Variants in CACNG5 observed in about 807,000 individuals in gnomAD.
CACNG5 encodes the protein calcium voltage-gated channel auxiliary subunit gamma 5.
In CACNG5, 18 loss-of-function variants were observed where a neutral mutation model predicts 24.8. The ratio of observed to expected loss-of-function variants is 0.73; its 90% CI spans 0.50 to 1.08. The LOEUF (loss-of-function observed/expected upper bound fraction) is 1.08. Among genes scored for constraint, CACNG5 ranks in the 50% least tolerant of loss-of-function variants. The pLI is 0.00. For synonymous variants in CACNG5, 157 were observed against 149.1 expected, an observed-to-expected ratio of 1.05 and a Z score of -0.39; for missense variants, 349 against 367.9, an observed-to-expected ratio of 0.95 and a Z score of 0.42.
chr17:66,857,375 G>A (rs914590210), intron 1 of CACNG5, among the ~76,000 whole-genome samples: 13 of 151,988 alleles, frequency 8.6e-5, no homozygotes, highest in East Asian at 1.9e-4. Flanking sequence ...TGGCTGGTCC[G>A]TACACCAGCA....
In CACNG5 at chr17:66,849,316, G is replaced by C. The variant is rs139431244; in HGVS notation, c.-104+14066G>C. ...GGCACCCGGGGTTGGGGGCAGGGGT[G>C]GGGGGAGCCGCACTGGGACGGGAGG... On this transcript the variant is annotated intron_variant, in intron 1 of 5. Coordinates refer to ENST00000533854, the MANE Select transcript of CACNG5 (RefSeq NM_145811.3). Among the ~76,000 whole-genome samples the C allele has an allele frequency of 8.6e-3, 1,301 of 152,102 alleles. 19 individuals are homozygous for C. The highest frequency in any genetic ancestry group is 0.029 in the African/African-American group (1,200 of 41,494).
intron 1 of CACNG5, among the ~76,000 whole-genome samples, chr17:66,843,083 T>C (rs1282896974): frequency 6.6e-6 from 1 of 152,238 alleles, no homozygotes; most frequent in Admixed American, 6.5e-5. Flanking sequence ...GTACTTGACA[T>C]GTATTGCACT....
rs925461577 is a variant in CACNG5 at position 66,891,727 on chromosome 17, A to G, written c.*6487A>G. 3.9e-5 allele frequency among the ~76,000 whole-genome samples: 6 copies of G among 152,180 alleles called. No individual in the cohort carries two copies. Among genetic ancestry groups the G allele is most frequent in the African/African-American group, 1.4e-4 (6 of 41,446 alleles). ...AGATCCCACCATCTCAGATGTGAGG[A>G]GTGTCAGAGTTCCATTGTGAGGAAC... On this transcript the variant is annotated 3_prime_UTR_variant, in exon 6 of 6. Coordinates refer to ENST00000533854, the MANE Select transcript of CACNG5 (RefSeq NM_145811.3).
At chr17:66,859,611 A>G (rs72843354) in intron 1 of CACNG5, among the ~76,000 whole-genome samples, 9 of 152,268 alleles carry the variant, frequency 5.9e-5, no homozygotes, top group Admixed American at 2.0e-4. Context: ...GGCTCCAAGT[A>G]CATCCTAGAG....
At chr17:66,876,223 T>C (rs1290613268) in intron 1 of CACNG5, among the ~76,000 whole-genome samples, 2 of 152,196 alleles carry the variant, frequency 1.3e-5, no homozygotes, top group African/African-American at 4.8e-5. Flanking sequence ...CCTGGCAGAA[T>C]TTAAAAAATA....
intron 1 of CACNG5, among the ~76,000 whole-genome samples, chr17:66,844,919 A>G (rs934394854): frequency 3.3e-5 from 5 of 152,206 alleles, no homozygotes; most frequent in Non-Finnish European, 7.3e-5. Context: ...AATGTCTAGC[A>G]TAGGGTCTGA....
At chr17:66,877,935 A>G (rs1214619057) in intron 2 of CACNG5, among the ~76,000 whole-genome samples, 1 of 152,248 alleles carries the variant, frequency 6.6e-6, no homozygotes, top group Non-Finnish European at 1.5e-5. Context: ...TTGCAAATGC[A>G]GAAATGAAGA....
chr17:66,841,678 C>T (rs1976570579), intron 1 of CACNG5, among the ~76,000 whole-genome samples: 3 of 152,150 alleles, frequency 2.0e-5, no homozygotes, highest in Admixed American at 6.5e-5. Context: ...AACAGGAGAC[C>T]GGGGTTTGAG....
In CACNG5 at chr17:66,885,478, C is replaced by A. The variant is rs374343715; in HGVS notation, c.*238C>A. 16 of 520,552 alleles carry A rather than the reference C, an allele frequency of 3.1e-5. No homozygotes were observed. Among genetic ancestry groups the A allele is most frequent in the Non-Finnish European group, 4.7e-5 (14 of 300,084 alleles). The allele number at this position is 520,552 out of a possible 1,614,324, so 32.2% of individuals were successfully genotyped here. On this transcript the variant is annotated 3_prime_UTR_variant, in exon 6 of 6. Transcript: ENST00000533854. ...TTGTCTGGGAACATGGGAGAAGCCC[C>A]GCCCATGTGAGTGCCAATCACAGCA...
At chr17:66,851,051 C>T (rs187404599) in intron 1 of CACNG5, among the ~76,000 whole-genome samples, 45 of 152,188 alleles carry the variant, frequency 3.0e-4, no homozygotes, top group Admixed American at 2.2e-3. Flanking sequence ...GAAGTTCGCA[C>T]TGAGACTCCC....
In CACNG5 at chr17:66,890,583, G is replaced by A. The variant is rs1977329085; in HGVS notation, c.*5343G>A. On this transcript the variant is annotated 3_prime_UTR_variant, in exon 6 of 6. Coordinates refer to ENST00000533854, the MANE Select transcript of CACNG5 (RefSeq NM_145811.3). ...TGTGTGAAGCCAGGACTCCCTGTGT[G>A]CTCACTGTGGGGCTAAGGTTTTCTG... Among the ~76,000 whole-genome samples the A allele has an allele frequency of 6.6e-6, 1 of 152,192 alleles. No homozygotes were observed. The highest frequency in any genetic ancestry group is 1.5e-5 in the Non-Finnish European group (1 of 68,028).
intron 3 of CACNG5, among the ~76,000 whole-genome samples, chr17:66,879,987 G>A (rs897688240): frequency 6.6e-6 from 1 of 152,118 alleles, no homozygotes; most frequent in Admixed American, 6.5e-5. Flanking sequence ...GTGTGGTTGA[G>A]AGACCCACCA....
At chr17:66,873,857 C>T (rs1977042450) in intron 1 of CACNG5, among the ~76,000 whole-genome samples, 1 of 151,164 alleles carries the variant, frequency 6.6e-6, no homozygotes, top group African/African-American at 2.4e-5. Context: ...ATAAGCAAAG[C>T]TAAGCAGGCT....
intron 1 of CACNG5, among the ~76,000 whole-genome samples, chr17:66,862,287 G>A (rs1394199433): frequency 9.9e-5 from 15 of 152,058 alleles, no homozygotes; most frequent in Non-Finnish European, 5.9e-5. Context: ...CTCTTCATAG[G>A]TACAGGTGTT....
intron 4 of CACNG5, 103 bp from the exon 5 acceptor site, chr17:66,884,413 G>A: frequency 1.6e-6 from 2 of 1,227,482 alleles, no homozygotes; most frequent in Non-Finnish European, 1.1e-6. Context: ...TTACCCCAAG[G>A]CTGGTGGCTT....
chr17:66,869,911 G>A (rs529921105), intron 1 of CACNG5, among the ~76,000 whole-genome samples: 21 of 152,024 alleles, frequency 1.4e-4, no homozygotes, highest in East Asian at 7.8e-4. Context: ...GTGAAACCCC[G>A]TCTCTACTAA....
intron 1 of CACNG5, among the ~76,000 whole-genome samples, chr17:66,852,826 T>C (rs867392404): frequency 6.6e-6 from 1 of 152,076 alleles, no homozygotes; most frequent in Non-Finnish European, 1.5e-5. Flanking sequence ...GCCTGCCTTC[T>C]TCCCTTCGCT....
rs1215632613 is a variant in CACNG5, at chr17:66,892,781, A to G, written c.*7541A>G. Among the ~76,000 whole-genome samples, 1 of 152,238 alleles carries G rather than the reference A, an allele frequency of 6.6e-6. No homozygotes were observed. The highest frequency in any genetic ancestry group is 1.5e-5 in the Non-Finnish European group (1 of 68,038). ...TGGTGAAGAGACTAAATTAAACCAC[A>G]TAAGGTGAGTAGCAGCTATTCAATC... On this transcript the variant is annotated 3_prime_UTR_variant, in exon 6 of 6. Coordinates refer to ENST00000533854, the MANE Select transcript of CACNG5 (RefSeq NM_145811.3).
intron 1 of CACNG5, among the ~76,000 whole-genome samples, chr17:66,848,069 C>T (rs1322206741): frequency 6.6e-6 from 1 of 152,196 alleles, no homozygotes; most frequent in Non-Finnish European, 1.5e-5. Flanking sequence ...TCTTTCTCAC[C>T]CTTCATGTCG....
Sources: gnomAD v4.1 joint callset for allele counts (sites outside exome capture counted in the v4.1 genomes callset) on GRCh38, gnomAD v4.1.1 for gene constraint, MANE v1.5 for transcripts, NCBI Gene and HGNC (gene_info 2026-07-23, HGNC 2026-07-21) for gene names.